TTC6: variants seen among roughly 807,000 people sequenced by gnomAD.
TTC6 encodes tetratricopeptide repeat protein 6.
In TTC6, 172 loss-of-function variants were observed where a neutral mutation model predicts 210.4. The observed-to-expected ratio is 0.82, with a 90% CI of 0.72 to 0.93. The LOEUF is 0.93. Ranked by LOEUF, TTC6 falls within the 40% of genes least tolerant of loss-of-function variation. TTC6 has a pLI of 0.00. For synonymous variants in TTC6, 804 were observed against 819.6 expected, an observed-to-expected ratio of 0.98 and a Z score of 0.32; for missense variants, 2,414 against 2,318.1, an observed-to-expected ratio of 1.04 and a Z score of -0.85.
intron 13 of TTC6, among the ~76,000 whole-genome samples, chr14:37,752,723 T>C (rs1361131563): frequency 1.3e-5 from 2 of 152,112 alleles, no homozygotes; most frequent in East Asian, 1.9e-4. Flanking sequence ...TTTTATGTGA[T>C]TGAATCAGCC....
At chr14:37,725,277 A>G (rs1357728578) in intron 7 of TTC6, among the ~76,000 whole-genome samples, 2 of 138,104 alleles carry the variant, frequency 1.4e-5, no homozygotes, top group South Asian at 2.3e-4. Context: ...ATGTATATAT[A>G]TAAAATTTAT....
chr14:37,785,138 C>G lies in TTC6; in HGVS notation c.3267-2330C>G, dbSNP rs570798195. The stretch of plus-strand genomic sequence containing the variant: ...TCTCAAGGGGTATCTTTGTGACATT[C>G]TCTGTGTTTCCTGAATTTGAATGGT... On this transcript the variant is annotated intron_variant, in intron 14 of 30. Transcript: ENST00000553443. Among the ~76,000 whole-genome samples, 6 of 152,214 alleles carry G rather than the reference C, an allele frequency of 3.9e-5. No homozygotes were observed. In the South Asian group the frequency reaches 1.0e-3, roughly 26 times the overall value.
At chr14:37,783,877 T>C (rs1050453285) in intron 14 of TTC6, among the ~76,000 whole-genome samples, 1 of 152,192 alleles carries the variant, frequency 6.6e-6, no homozygotes. Context: ...TCTGCCTTCA[T>C]TTTGTTATTT....
intron 6 of TTC6, among the ~76,000 whole-genome samples, chr14:37,717,000 AAAG>A (rs1289428559): frequency 2.0e-5 from 3 of 152,114 alleles, no homozygotes; most frequent in Non-Finnish European, 2.9e-5. Context: ...TCTATAGGTT[AAAG>A]AAGAAGTTTC....
chr14:37,842,030 A>T, intron 30 of TTC6, 125 bp from the exon 33 acceptor site: 1 of 813,060 alleles, frequency 1.2e-6, no homozygotes, highest in Non-Finnish European at 1.8e-6. Flanking sequence ...TAAAAGTATT[A>T]AAGTTCTTGA....
chr14:37,762,783 T>C (rs1474087394), intron 14 of TTC6, among the ~76,000 whole-genome samples: 2 of 152,186 alleles, frequency 1.3e-5, no homozygotes, highest in Admixed American at 6.6e-5. Flanking sequence ...GTATATTACA[T>C]TGATTTATTT....
At chr14:37,635,652 A>G (rs980547224) in intron 1 of TTC6, among the ~76,000 whole-genome samples, 1 of 152,204 alleles carries the variant, frequency 6.6e-6, no homozygotes, top group Non-Finnish European at 1.5e-5. Flanking sequence ...GGCTATATCA[A>G]TACCAGATAA....
At chr14:37,638,569 C>A (rs1444977401) in intron 1 of TTC6, among the ~76,000 whole-genome samples, 1 of 118,344 alleles carries the variant, frequency 8.4e-6, no homozygotes, top group Non-Finnish European at 1.6e-5. Context: ...TAATATTCTT[C>A]AAATGACAAA....
At chr14:37,771,449 C>T (rs896159280) in intron 14 of TTC6, among the ~76,000 whole-genome samples, 3 of 152,130 alleles carry the variant, frequency 2.0e-5, no homozygotes, top group Admixed American at 6.6e-5. Flanking sequence ...ACCAATCGGA[C>T]GTAGATTTGG....
At chr14:37,660,123 A>G (rs1484453512) in intron 1 of TTC6, among the ~76,000 whole-genome samples, 2 of 151,834 alleles carry the variant, frequency 1.3e-5, no homozygotes, top group Non-Finnish European at 2.9e-5. Context: ...TTATTTGTCA[A>G]TTTTTGTTTT....
intron 29 of TTC6, among the ~76,000 whole-genome samples, chr14:37,830,141 A>AT (rs1212869903): frequency 6.6e-6 from 1 of 151,568 alleles, no homozygotes; most frequent in African/African-American, 2.4e-5. Context: ...TCCTTGACTC[A>AT]TTTTTCTTTC....
upstream of TTC6, among the ~76,000 whole-genome samples, chr14:37,618,381 T>C (rs908489556): frequency 6.6e-6 from 1 of 152,256 alleles, no homozygotes; most frequent in Non-Finnish European, 1.5e-5. Flanking sequence ...CATAGACAGA[T>C]TTTAAGAGCA....
chr14:37,632,546 G>T (rs187058701), intron 1 of TTC6, among the ~76,000 whole-genome samples: 1 of 152,190 alleles, frequency 6.6e-6, no homozygotes, highest in Non-Finnish European at 1.5e-5. Flanking sequence ...TGTATGAAGT[G>T]TCTGTTTACC....
intron 7 of TTC6, among the ~76,000 whole-genome samples, chr14:37,725,312 G>GTGTGTGTA (rs1318506400): frequency 2.9e-4 from 10 of 33,904 alleles, no homozygotes; most frequent in South Asian, 1.1e-3. Flanking sequence ...GTGTGTGTGT[G>GTGTGTGTA]TATATATATA....
intron 15 of TTC6, among the ~76,000 whole-genome samples, chr14:37,789,030 T>A (rs1238979693): frequency 6.6e-6 from 1 of 152,170 alleles, no homozygotes; most frequent in East Asian, 1.9e-4. Context: ...TATTATTTAA[T>A]TATCCAGAGC....
intron 1 of TTC6, among the ~76,000 whole-genome samples, chr14:37,604,849 A>T (rs2095622135): frequency 6.6e-6 from 1 of 152,272 alleles, no homozygotes; most frequent in Admixed American, 6.5e-5. Context: ...ACCACTTATG[A>T]TTCATTTAGA....
chr14:37,724,402 A>G (rs551547118), intron 6 of TTC6, among the ~76,000 whole-genome samples: 28 of 152,254 alleles, frequency 1.8e-4, no homozygotes, highest in Non-Finnish European at 3.8e-4. Flanking sequence ...TCTTCTCAAT[A>G]CCATGCTTCT....
intron 7 of TTC6, among the ~76,000 whole-genome samples, chr14:37,725,310 GTGTATATATATATATATATATATA>G (rs1326902475): frequency 0.063 from 3,509 of 55,746 alleles, 138 homozygotes; most frequent in Admixed American, 0.1. Flanking sequence ...GTGTGTGTGT[GTGTATATATATATATATATATATA>G]TATATATATA....
rs780416232 is a variant in TTC6 at position 37,622,559 on chromosome 14, G to T, written c.495G>T (p.Gly165=). 6.5e-6 allele frequency: 10 copies of T among 1,533,856 alleles called. No individual in the cohort carries two copies. In the South Asian group the frequency reaches 1.2e-4, roughly 18 times the overall value. The stretch of plus-strand genomic sequence containing the variant: ...CACCCGTGAAGCGCAGAGCGCGCGG[G>T]GTCTTGGAGAGCTCGCGGCACGCGG... Residue 165 remains glycine, a synonymous_variant, in exon 1 of 31, where the codon GGG becomes GGT. Transcript: ENST00000553443.
Sources: allele counts gnomAD v4.1 joint callset (sites outside exome capture counted in the v4.1 genomes callset), GRCh38; gene constraint gnomAD v4.1.1; transcripts MANE v1.5; gene names NCBI Gene and HGNC (gene_info 2026-07-23, HGNC 2026-07-21).